The following COL23A1 variants were observed in gnomAD, a reference collection of about 807,000 sequenced individuals.
COL23A1 encodes the protein collagen alpha-1(XXIII) chain.
In COL23A1, 97 loss-of-function variants were observed where a neutral mutation model predicts 99.3. The observed-to-expected ratio is 0.98, with a 90% confidence interval of 0.83 to 1.16. COL23A1 has a LOEUF of 1.16. COL23A1 is among the 50% of genes most tolerant of loss of function. COL23A1 has a pLI of 0.00. For synonymous variants in COL23A1, 320 were observed against 308.2 expected (o/e 1.04, Z -0.40); for missense variants, 762 against 757.4 (o/e 1.01, Z -0.07).
rs1766715894 is a variant in COL23A1 at position 178,439,008 on chromosome 5, G to C, written c.361+121674C>G. The C allele has an allele frequency of 6.6e-6, 1 of 152,250 alleles. No homozygotes were observed. The highest frequency in any genetic ancestry group is 2.4e-5 in the African/African-American group (1 of 41,448). The allele number at this position is 152,250 out of a possible 1,614,324, so 9.4% of individuals were successfully genotyped here. On this transcript the variant is annotated intron_variant, in intron 2 of 28. Transcript: ENST00000390654. This position sits in a 1 kb window ranked among gnomAD's most constrained non-coding sequence, Gnocchi z 4.2. ...GAGCTCCCAGTGTGCACCTGCGCCT[G>C]AGAGCTTGACTCAGCCCAGTGTGCA...
At chr5:178,448,774 T>C (rs1767315572) in intron 2 of COL23A1, among the ~76,000 whole-genome samples, 1 of 152,090 alleles carries the variant, frequency 6.6e-6, no homozygotes, top group Non-Finnish European at 1.5e-5. Context: ...TTCCCACACA[T>C]GAAGTCTGGA....
chr5:178,539,971 A>G (rs1034952530), intron 2 of COL23A1, among the ~76,000 whole-genome samples: 1 of 152,236 alleles, frequency 6.6e-6, no homozygotes, highest in Non-Finnish European at 1.5e-5. Context: ...AAAATCAATT[A>G]ATATAATGCA....
rs1176147656 is a variant in COL23A1, at chr5:178,281,239, A to T, written c.441+7085T>A. 1.3e-5 allele frequency among the ~76,000 whole-genome samples: 2 copies of T among 152,244 alleles called. No individual in the cohort carries two copies. The highest frequency in any genetic ancestry group is 4.8e-5 in the African/African-American group (2 of 41,462). ...TTGGGATATTTCAGATAAATCGTTTAACTGATTACATTTTTATAATCAAAG... is the reference window on the plus strand; with the variant it reads ...TTGGGATATTTCAGATAAATCGTTTTACTGATTACATTTTTATAATCAAAG... On this transcript the variant is annotated intron_variant, in intron 5 of 28. Transcript: ENST00000390654. The surrounding 1 kb of genome is among the most constrained non-coding windows in gnomAD (Gnocchi z 4.0).
chr5:178,462,036 T>C (rs1057478436), intron 2 of COL23A1, among the ~76,000 whole-genome samples: 3 of 152,226 alleles, frequency 2.0e-5, no homozygotes, highest in African/African-American at 7.2e-5. Context: ...TGCACAGCAC[T>C]GTGTTCTTGG....
At chr5:178,393,801 A>G (rs573057043) in intron 2 of COL23A1, among the ~76,000 whole-genome samples, 1 of 152,082 alleles carries the variant, frequency 6.6e-6, no homozygotes, top group South Asian at 2.1e-4. Flanking sequence ...ACGCCTGGCT[A>G]ATTTTTGTAC....
chr5:178,292,154 T>TGC (rs1456948809), intron 3 of COL23A1, among the ~76,000 whole-genome samples: 3 of 152,090 alleles, frequency 2.0e-5, no homozygotes, highest in Non-Finnish European at 2.9e-5. Context: ...CAACTATGCC[T>TGC]ATACCTGTAC....
chr5:178,475,678 T>C (rs1756990065), intron 2 of COL23A1, among the ~76,000 whole-genome samples: 1 of 152,194 alleles, frequency 6.6e-6, no homozygotes, highest in African/African-American at 2.4e-5. Flanking sequence ...CACAAGTCTA[T>C]GCTCAGGGTC....
chr5:178,491,733 TTTAA>T (rs1481789305), intron 2 of COL23A1, among the ~76,000 whole-genome samples: 1 of 152,120 alleles, frequency 6.6e-6, no homozygotes, highest in Non-Finnish European at 1.5e-5. Context: ...TCATTTATAT[TTTAA>T]TTAATTAATT....
At chr5:178,546,197 A>G (rs575099266) in intron 2 of COL23A1, among the ~76,000 whole-genome samples, 1 of 152,184 alleles carries the variant, frequency 6.6e-6, no homozygotes, top group South Asian at 2.1e-4. Flanking sequence ...CACATGAAAT[A>G]TGGGGTGGCG....
At chr5:178,301,867 T>TCG (rs1758054706) in intron 3 of COL23A1, among the ~76,000 whole-genome samples, 1 of 146,524 alleles carries the variant, frequency 6.8e-6, no homozygotes, top group Admixed American at 6.8e-5. Context: ...ATGCTGCACC[T>TCG]CGCACAGCAC....
chr5:178,399,226 G>A (rs1764306786), intron 2 of COL23A1, among the ~76,000 whole-genome samples: 1 of 152,246 alleles, frequency 6.6e-6, no homozygotes, highest in Admixed American at 6.5e-5. Flanking sequence ...GCCTTCTGCT[G>A]CCCCTCCCTC....
intron 2 of COL23A1, among the ~76,000 whole-genome samples, chr5:178,538,247 A>G (rs1581592488): frequency 1.3e-5 from 2 of 152,322 alleles, no homozygotes; most frequent in Middle Eastern, 6.8e-3. Context: ...TTCCCGCAGA[A>G]GCTCACACTG....
At chr5:178,496,820 C>A (rs971217772) in intron 2 of COL23A1, among the ~76,000 whole-genome samples, 1 of 152,190 alleles carries the variant, frequency 6.6e-6, no homozygotes, top group Non-Finnish European at 1.5e-5. Flanking sequence ...GTAGGCTAAT[C>A]CCTCTGGCAA....
chr5:178,269,813 A>C (rs909837498), intron 6 of COL23A1, among the ~76,000 whole-genome samples: 3 of 151,584 alleles, frequency 2.0e-5, no homozygotes, highest in Admixed American at 6.6e-5. Context: ...CCATCCATCC[A>C]TCCATCCATC....
chr5:178,456,559 G>A (rs775681248), intron 2 of COL23A1, among the ~76,000 whole-genome samples: 5 of 152,126 alleles, frequency 3.3e-5, no homozygotes, highest in African/African-American at 4.8e-5. Context: ...TTAGCTGGGC[G>A]TGGTGGCGAA....
At position 178,366,193 on chromosome 5, in the gene COL23A1, G is replaced by C. The variant is rs1013256712; in HGVS notation, c.362-59274C>G. Among the ~76,000 whole-genome samples the C allele has an allele frequency of 2.0e-5, 3 of 152,154 alleles. No individual in the cohort carries two copies. Among genetic ancestry groups the C allele is most frequent in the African/African-American group, 7.2e-5 (3 of 41,436 alleles). On this transcript the variant is annotated intron_variant, in intron 2 of 28. Transcript: ENST00000390654. The surrounding 1 kb of genome is among the most constrained non-coding windows in gnomAD (Gnocchi z 4.4). ...GGTCTGATTCACCTCTTCCTCCCCGGAGCCCAGGGTTCACTCTGCAACTCT... is the reference window on the plus strand; with the variant it reads ...GGTCTGATTCACCTCTTCCTCCCCGCAGCCCAGGGTTCACTCTGCAACTCT...
rs1340571737 is a variant in COL23A1 at position 178,562,106 on chromosome 5, G to A, written c.295-1358C>T. On this transcript the variant is annotated intron_variant, in intron 1 of 28. Coordinates refer to ENST00000390654, the MANE Select transcript of COL23A1 (RefSeq NM_173465.4). ...ACTTCAAAAAGGAAGCCACAGCGTG[G>A]TGGCAGGCGCCTATAATCCCAGCTG... 12 of 528,968 alleles carry A rather than the reference G, an allele frequency of 2.3e-5. No homozygotes were observed. In the East Asian group the frequency reaches 5.3e-4, roughly 24 times the overall value. The allele number at this position is 528,968 out of a possible 1,614,324, so 32.8% of individuals were successfully genotyped here.
chr5:178,257,545 T>A lies in COL23A1; in HGVS notation c.752A>T (p.Gln251Leu). Reference sequence around the variant, plus strand: ...CACCTTGGGCCCTGGTGGTCCAGGCTGGCTTGGTGTCCCATCGTCGCCCTG... The same window carrying A: ...CACCTTGGGCCCTGGTGGTCCAGGCAGGCTTGGTGTCCCATCGTCGCCCTG... ...GKKGDDGTPS[Q>L]PGPPGPKGEP... The change falls in exon 13 of 29, where the codon CAG (glutamine) becomes CTG (leucine). Residue 251 changes from glutamine to leucine, a missense_variant. Transcript: ENST00000390654. 1 of 1,564,416 alleles carries A rather than the reference T, an allele frequency of 6.4e-7. No homozygotes were observed. The highest frequency in any genetic ancestry group is 8.7e-7 in the Non-Finnish European group (1 of 1,154,236).
intron 25 of COL23A1, among the ~76,000 whole-genome samples, chr5:178,245,488 A>G (rs1306889503): frequency 7.0e-6 from 1 of 143,874 alleles, no homozygotes. Flanking sequence ...TCATCCATTC[A>G]TCATCCACCC....
Sources: gnomAD v4.1 joint callset for allele counts (sites outside exome capture counted in the v4.1 genomes callset) on GRCh38, gnomAD v4.1.1 for gene constraint, Gnocchi (gnomAD v3.1) non-coding constraint, MANE v1.5 for transcripts, NCBI Gene and HGNC (gene_info 2026-07-23, HGNC 2026-07-21) for gene names.